CDH11: variants seen among roughly 807,000 people sequenced by gnomAD.
The protein encoded by CDH11 is cadherin 11.
Under a neutral mutation model 67.8 loss-of-function variants are expected in CDH11, and 11 were observed. The ratio of observed to expected loss-of-function variants is 0.16; its 90% confidence interval spans 0.10 to 0.27. CDH11 has a LOEUF of 0.27. Ranked by LOEUF, CDH11 falls within the 10% of genes least tolerant of loss-of-function variation. The pLI is 1.00. For synonymous variants in CDH11, 419 were observed against 400.0 expected (o/e 1.05, Z -0.57); for missense variants, 847 against 1,031.2 (o/e 0.82, Z 2.45).
intron 3 of CDH11, 69 bp from the exon 4 acceptor site, chr16:64,998,925 A>T: frequency 7.7e-7 from 1 of 1,291,460 alleles, no homozygotes; most frequent in South Asian, 1.3e-5. Context: ...CTTACAAGTG[A>T]TTGCAACAAT....
In CDH11 at chr16:65,096,437, GTGTGTGTATA is replaced by G. The variant is rs1365828331; in HGVS notation, c.-298+25433_-298+25442del. ...TGTGTGTGTGTGTGTGTGTGTGTGT[GTGTGTGTATA>G]TATATGTTTATATATGTGTGTATAT... On this transcript the variant is annotated intron_variant, in intron 1 of 12. Coordinates refer to ENST00000268603, the MANE Select transcript of CDH11 (RefSeq NM_001797.4). Among the ~76,000 whole-genome samples, 24 of 142,616 alleles carry G rather than the reference GTGTGTGTATA, an allele frequency of 1.7e-4. 1 individual carries two copies. Among genetic ancestry groups the G allele is most frequent in the African/African-American group, 5.9e-4 (22 of 37,262 alleles). 93.6% of individuals were successfully genotyped at this position (142,616 alleles called of 152,430 possible). A position where few individuals can be genotyped will look rare whatever the true frequency, so the allele number is the denominator to read the frequency against.
At chr16:65,105,645 A>G (rs1306378313) in intron 1 of CDH11, among the ~76,000 whole-genome samples, 1 of 152,238 alleles carries the variant, frequency 6.6e-6, no homozygotes, top group Middle Eastern at 3.2e-3. Flanking sequence ...AGGAGATGCA[A>G]CAATGCAGGT....
chr16:65,017,072 C>G (rs182426762), intron 2 of CDH11, among the ~76,000 whole-genome samples: 15 of 152,244 alleles, frequency 9.9e-5, no homozygotes, highest in Admixed American at 9.2e-4. Context: ...TCATTGCCAT[C>G]TTGGTTTTGG....
At chr16:64,971,848 G>A in intron 10 of CDH11, 83 bp downstream of exon 10, 3 of 1,484,428 alleles carry the variant, frequency 2.0e-6, no homozygotes, top group Non-Finnish European at 2.8e-6. Flanking sequence ...GGCAGTGGTT[G>A]GTATCTCCAA....
At chr16:65,115,585 A>T (rs778890468) in intron 1 of CDH11, among the ~76,000 whole-genome samples, 1 of 151,950 alleles carries the variant, frequency 6.6e-6, no homozygotes, top group South Asian at 2.1e-4. Context: ...AGATATTATT[A>T]TTAGGTCTAT....
At chr16:65,015,056 G>A (rs1353368264) in intron 2 of CDH11, among the ~76,000 whole-genome samples, 4 of 120,920 alleles carry the variant, frequency 3.3e-5, no homozygotes, top group Admixed American at 2.3e-4. Context: ...TTATTATTGA[G>A]AGACTGGGTT....
At chr16:65,034,632 A>C (rs1384276971) in intron 2 of CDH11, among the ~76,000 whole-genome samples, 1 of 152,332 alleles carries the variant, frequency 6.6e-6, no homozygotes, top group African/African-American at 2.4e-5. Context: ...TTCTTGTTGA[A>C]GTGCCGAACA....
In CDH11 at chr16:64,944,190, A is replaced by C. The variant is rs2071156352; in HGVS notation, c.*3413T>G. 1 of 232,768 alleles carries C rather than the reference A, an allele frequency of 4.3e-6. No homozygotes were observed. Among genetic ancestry groups the C allele is most frequent in the Non-Finnish European group, 8.5e-6 (1 of 117,848 alleles). 14.4% of individuals were successfully genotyped at this position (232,768 alleles called of 1,614,324 possible). ...GAGGTTTAAGTTACGAAGTCATGTG[A>C]TCTGGGTTGTGTGTTAAAAGTATCC... is the stretch of plus-strand genomic sequence containing the variant. On this transcript the variant is annotated 3_prime_UTR_variant, in exon 13 of 13. Coordinates refer to ENST00000268603, the MANE Select transcript of CDH11 (RefSeq NM_001797.4).
chr16:65,005,739 A>G (rs2073039818), intron 2 of CDH11, among the ~76,000 whole-genome samples: 1 of 152,204 alleles, frequency 6.6e-6, no homozygotes, highest in South Asian at 2.1e-4. Flanking sequence ...TCTGGCAAAG[A>G]TCCATCCACG....
intron 3 of CDH11, 108 bp from the exon 4 acceptor site, chr16:64,998,964 G>T: frequency 1.1e-6 from 1 of 897,858 alleles, no homozygotes; most frequent in Non-Finnish European, 1.7e-6. Context: ...CGTCATGAAA[G>T]GGAGATGTTC....
chr16:65,053,483 T>C (rs1166528084), intron 2 of CDH11, among the ~76,000 whole-genome samples: 1 of 152,216 alleles, frequency 6.6e-6, no homozygotes, highest in Non-Finnish European at 1.5e-5. Flanking sequence ...AAAAGCAACA[T>C]GGCAATCATC....
intron 11 of CDH11, among the ~76,000 whole-genome samples, chr16:64,964,709 C>G (rs1300118065): frequency 2.0e-5 from 3 of 151,910 alleles, no homozygotes; most frequent in African/African-American, 7.3e-5. Context: ...CCACCACACC[C>G]GGATAATTTT....
intron 1 of CDH11, among the ~76,000 whole-genome samples, chr16:65,071,107 G>A (rs2074407804): frequency 1.3e-5 from 2 of 152,184 alleles, no homozygotes; most frequent in African/African-American, 4.8e-5. Context: ...GGTGCCCTTT[G>A]GCAGAAGAGT....
chr16:65,115,234 A>T (rs140335974), intron 1 of CDH11, among the ~76,000 whole-genome samples: 3 of 152,296 alleles, frequency 2.0e-5, no homozygotes, highest in Non-Finnish European at 2.9e-5. Flanking sequence ...GTTCAAAAGC[A>T]GTAATTATCT....
chr16:65,088,001 T>G (rs2074731143), intron 1 of CDH11, among the ~76,000 whole-genome samples: 1 of 152,180 alleles, frequency 6.6e-6, no homozygotes, highest in African/African-American at 2.4e-5. Flanking sequence ...AATGTTGATA[T>G]CTCCTCAAAA....
chr16:65,014,999 C>T (rs1425233667), intron 2 of CDH11, among the ~76,000 whole-genome samples: 1 of 147,096 alleles, frequency 6.8e-6, no homozygotes, highest in African/African-American at 2.6e-5. Context: ...AGGCATAGGC[C>T]ACCATGCCTG....
chr16:64,997,168 C>T (rs1278552750), intron 4 of CDH11, among the ~76,000 whole-genome samples: 2 of 151,770 alleles, frequency 1.3e-5, no homozygotes, highest in South Asian at 2.1e-4. Context: ...GGCGTGGTGG[C>T]GCGCTCCTGT....
rs1411940191 is a variant in CDH11 at position 64,944,437 on chromosome 16, GT to G, written c.*3165del. 3.4e-5 allele frequency: 8 copies of G among 232,708 alleles called. No individual in the cohort carries two copies. Among genetic ancestry groups the G allele is most frequent in the Non-Finnish European group, 5.9e-5 (7 of 117,820 alleles). 14.4% of individuals were successfully genotyped at this position (232,708 alleles called of 1,614,324 possible). On this transcript the variant is annotated 3_prime_UTR_variant, in exon 13 of 13. Transcript: ENST00000268603. ...AAGCCCTCCTGGGGCACACCTCTGGGTTTATATGCTCCTAATCTGTCCTCCA... is the reference window on the plus strand; with the variant it reads ...AAGCCCTCCTGGGGCACACCTCTGGGTTATATGCTCCTAATCTGTCCTCCA...
chr16:64,995,312 TGGA>T (rs758242015), intron 4 of CDH11, among the ~76,000 whole-genome samples: 19 of 152,144 alleles, frequency 1.2e-4, no homozygotes, highest in Non-Finnish European at 2.8e-4. Flanking sequence ...AGAAAAAAGT[TGGA>T]GGAGTCACCT....
Sources: allele counts gnomAD v4.1 joint callset (sites outside exome capture counted in the v4.1 genomes callset), GRCh38; gene constraint gnomAD v4.1.1; transcripts MANE v1.5; gene names NCBI Gene and HGNC (gene_info 2026-07-23, HGNC 2026-07-21).